LRP1B: variants seen among roughly 807,000 people sequenced by gnomAD.
LRP1B encodes the protein low-density lipoprotein receptor-related protein 1B.
A neutral mutation model predicts 556.6 loss-of-function variants in LRP1B; 217 were observed. That is an observed-to-expected ratio of 0.39 (90% confidence interval 0.35 to 0.44). The LOEUF (loss-of-function observed/expected upper bound fraction) is 0.44, where lower values mean the gene tolerates loss of function less well. LRP1B is among the 20% of genes least tolerant of loss of function. The probability of loss-of-function intolerance (pLI) is 1.00; values close to 1 mark genes in which losing one functional copy is unlikely to be tolerated. For synonymous variants in LRP1B, 2,047 were observed against 1,865.8 expected (o/e 1.10, Z -2.50); for missense variants, 5,053 against 5,620.8 (o/e 0.90, Z 3.23).
intron 1 of LRP1B, among the ~76,000 whole-genome samples, chr2:141,906,417 C>T (rs950201536): frequency 1.3e-5 from 2 of 151,880 alleles, no homozygotes; most frequent in Non-Finnish European, 2.9e-5. Context: ...ACATAAATTG[C>T]ATTCAAATAT....
chr2:140,334,539 A>C lies in LRP1B; in HGVS notation c.12137T>G (p.Val4046Gly), dbSNP rs1352454559. ...PKRGMMYWTV[V>G]GDHSHIEEAA... ...TTCTTCTATATGGGAATGATCCCCA[A>C]CAACAGTCCAGTACATCATCCTGAA... The change falls in exon 79 of 91, where the codon GTT becomes GGT. Residue 4046 changes from valine (V) to glycine (G), a missense_variant. Val to Gly is a moderately radical substitution (Grantham distance 109). This residue lies in a region of LRP1B where 599 missense variants were observed against 648.4 expected (regional missense o/e 0.92). Transcript: ENST00000389484. 1 of 1,596,116 alleles carries C rather than the reference A, an allele frequency of 6.3e-7. No homozygotes were observed. Among genetic ancestry groups the C allele is most frequent in the African/African-American group, 1.4e-5 (1 of 73,994 alleles).
intron 32 of LRP1B, among the ~76,000 whole-genome samples, chr2:140,806,347 T>C (rs192789142): frequency 6.6e-6 from 1 of 152,290 alleles, no homozygotes; most frequent in East Asian, 1.9e-4. Flanking sequence ...ATGATAATTT[T>C]AGATTCCTTA....
intron 7 of LRP1B, among the ~76,000 whole-genome samples, chr2:141,150,869 TTGTGTGTGTGTGTG>T (rs56107003): frequency 0.016 from 2,229 of 138,706 alleles, 26 homozygotes; most frequent in Middle Eastern, 0.041. Context: ...TCATGCTGGT[TTGTGTGTGTGTGTG>T]TGTGTGTGTG....
chr2:140,698,211 T>C (rs952186599), intron 41 of LRP1B, among the ~76,000 whole-genome samples: 1 of 152,052 alleles, frequency 6.6e-6, no homozygotes, highest in Non-Finnish European at 1.5e-5. Flanking sequence ...CATGTCTTTG[T>C]ACTAAACATT....
intron 2 of LRP1B, among the ~76,000 whole-genome samples, chr2:141,800,328 T>G (rs182201585): frequency 1.1e-3 from 160 of 152,352 alleles, no homozygotes; most frequent in Admixed American, 3.3e-3. Context: ...CAGTGTTCAC[T>G]GGTAGCTCTA....
intron 3 of LRP1B, among the ~76,000 whole-genome samples, chr2:141,311,468 T>C (rs1686812012): frequency 1.3e-5 from 2 of 152,150 alleles, no homozygotes. Context: ...GGCTCCACTA[T>C]AGGCTGAATA....
At chr2:141,041,579 A>G (rs1452758259) in intron 11 of LRP1B, among the ~76,000 whole-genome samples, 2 of 152,106 alleles carry the variant, frequency 1.3e-5, no homozygotes, top group African/African-American at 4.8e-5. Context: ...GTACCTCCAG[A>G]TAAGTCAAGA....
At chr2:140,717,911 T>C (rs936293208) in intron 35 of LRP1B, among the ~76,000 whole-genome samples, 1 of 152,082 alleles carries the variant, frequency 6.6e-6, no homozygotes, top group African/African-American at 2.4e-5. Context: ...AGACACACAA[T>C]TGTTTGCAGC....
intron 35 of LRP1B, among the ~76,000 whole-genome samples, chr2:140,720,919 A>T (rs990663955): frequency 6.6e-6 from 1 of 152,134 alleles, no homozygotes; most frequent in Non-Finnish European, 1.5e-5. Context: ...AGATATAATA[A>T]CAGGGTAGAA....
At chr2:141,740,244 G>T (rs2105539605) in intron 2 of LRP1B, among the ~76,000 whole-genome samples, 1 of 152,096 alleles carries the variant, frequency 6.6e-6, no homozygotes, top group Admixed American at 6.6e-5. Context: ...TTATCACAAG[G>T]TTAATAAACA....
chr2:142,121,640 G>A (rs935645662), intron 1 of LRP1B, among the ~76,000 whole-genome samples: 1 of 152,078 alleles, frequency 6.6e-6, no homozygotes, highest in Non-Finnish European at 1.5e-5. Flanking sequence ...ACTCCCAATT[G>A]CATTGTCCTC....
intron 2 of LRP1B, among the ~76,000 whole-genome samples, chr2:141,776,514 GA>G (rs1695079583): frequency 1.3e-5 from 2 of 152,138 alleles, no homozygotes; most frequent in African/African-American, 4.8e-5. Flanking sequence ...AACAGTAGAG[GA>G]AATATCACCC....
At chr2:140,393,146 A>ATT (rs5834743) in intron 66 of LRP1B, among the ~76,000 whole-genome samples, 42 of 146,208 alleles carry the variant, frequency 2.9e-4, no homozygotes, top group African/African-American at 8.4e-4. Flanking sequence ...CCCATTCTAC[A>ATT]TTTTTTTTTT....
intron 2 of LRP1B, among the ~76,000 whole-genome samples, chr2:141,775,777 C>T (rs1695047702): frequency 6.6e-6 from 1 of 151,332 alleles, no homozygotes; most frequent in South Asian, 2.1e-4. Flanking sequence ...AAAAACTGTA[C>T]AAATATTTTA....
chr2:141,892,999 A>AT (rs1333019871), intron 1 of LRP1B, among the ~76,000 whole-genome samples: 3 of 151,980 alleles, frequency 2.0e-5, no homozygotes, highest in Non-Finnish European at 2.9e-5. Context: ...CTTAATTTAT[A>AT]TTTTTTTCTT....
At position 140,314,979 on chromosome 2, in the gene LRP1B, C is replaced by T. The variant is rs1375389625; in HGVS notation, c.12761G>A (p.Ser4254Asn). The T allele has an allele frequency of 6.2e-7, 1 of 1,610,992 alleles. No homozygotes were observed. The highest frequency in any genetic ancestry group is 1.7e-5 in the Admixed American group (1 of 59,634). ...SGERCEVNHC[S>N]NYCQNGGTCV... ...AGTTCCTCCATTCTGGCAGTAGTTG[C>T]TACAGTGGTTGACTTCACATCTTTC... is the stretch of plus-strand genomic sequence containing the variant. Residue 4254 changes from serine to asparagine, a missense_variant, in exon 83 of 91, where the codon AGC becomes AAC. Around this residue, in one of 5 missense-constraint regions of LRP1B, gnomAD observed 551 missense variants for 592.0 expected, o/e 0.93. Coordinates refer to ENST00000389484, the MANE Select transcript of LRP1B (RefSeq NM_018557.3).
At chr2:142,125,725 T>A (rs1271981253) in intron 1 of LRP1B, among the ~76,000 whole-genome samples, 1 of 151,812 alleles carries the variant, frequency 6.6e-6, no homozygotes. Flanking sequence ...ACAGGTTAAA[T>A]TTGGGAATAG....
chr2:140,853,030 A>T (rs1009645673), intron 27 of LRP1B, among the ~76,000 whole-genome samples: 1 of 152,046 alleles, frequency 6.6e-6, no homozygotes, highest in African/African-American at 2.4e-5. Flanking sequence ...CCCCTTGCTC[A>T]AAGTAGTGAT....
intron 7 of LRP1B, among the ~76,000 whole-genome samples, chr2:141,157,750 G>C (rs926719833): frequency 6.6e-6 from 1 of 151,956 alleles, no homozygotes; most frequent in African/African-American, 2.4e-5. Flanking sequence ...GTTTAACATC[G>C]CTGAGAAAAG....
Sources: gnomAD v4.1 joint callset for allele counts (sites outside exome capture counted in the v4.1 genomes callset) on GRCh38, gnomAD v4.1.1 for gene constraint, gnomAD v4.1.1 regional missense constraint, MANE v1.5 for transcripts, NCBI Gene and HGNC (gene_info 2026-07-23, HGNC 2026-07-21) for gene names.